ARHGAP6: variants seen among roughly 807,000 people sequenced by gnomAD.
The protein encoded by ARHGAP6 is rho GTPase-activating protein 6.
In ARHGAP6, 16 loss-of-function variants were observed where a neutral mutation model predicts 55.7. That is an observed-to-expected ratio of 0.29 (90% CI 0.19 to 0.44). The LOEUF (loss-of-function observed/expected upper bound fraction) is 0.44, where lower values mean the gene tolerates loss of function less well. Ranked by LOEUF, ARHGAP6 falls within the 20% of genes least tolerant of loss-of-function variation. The pLI is 1.00. For missense variants in ARHGAP6, 698 were observed against 808.9 expected, an observed-to-expected ratio of 0.86 and a Z score of 1.66; for synonymous variants, 382 against 360.9, an observed-to-expected ratio of 1.06 and a Z score of -0.66.
chrX:11,197,351 A>G (rs952793137), intron 2 of ARHGAP6, among the ~76,000 whole-genome samples: 2 of 112,206 alleles, frequency 1.8e-5, no homozygotes, highest in African/African-American at 6.5e-5. Flanking sequence ...CCTAATCTCC[A>G]TGAGAAGAGA....
At chrX:11,516,471 T>C (rs2050841799) in intron 1 of ARHGAP6, among the ~76,000 whole-genome samples, 1 of 112,224 alleles carries the variant, frequency 8.9e-6, no homozygotes, top group African/African-American at 3.2e-5. Flanking sequence ...ATCCTTTTTC[T>C]TCTAAAAATA....
At chrX:11,660,325 G>A (rs1410180321) in intron 1 of ARHGAP6, among the ~76,000 whole-genome samples, 1 of 108,613 alleles carries the variant, frequency 9.2e-6, no homozygotes, top group African/African-American at 3.3e-5. Flanking sequence ...CTTTGGGAGG[G>A]TGAGGCAGGC....
chrX:11,560,612 A>G (rs2051375507), intron 1 of ARHGAP6, among the ~76,000 whole-genome samples: 1 of 112,024 alleles, frequency 8.9e-6, no homozygotes, highest in African/African-American at 3.2e-5. Flanking sequence ...TACTAGTCAG[A>G]CTGGAGCAGG....
chrX:11,544,109 T>C (rs949742425), intron 1 of ARHGAP6, among the ~76,000 whole-genome samples: 4 of 112,302 alleles, frequency 3.6e-5, no homozygotes, highest in Admixed American at 1.9e-4. Flanking sequence ...GCTGGTTCAA[T>C]TGTTTTTAGG....
intron 1 of ARHGAP6, chrX:11,266,032 C>CT (rs2047618499): frequency 3.5e-6 from 1 of 282,090 alleles, no homozygotes; most frequent in Non-Finnish European, 4.6e-6. Context: ...TGCGTGTGTG[C>CT]CTGTGTGTGT....
chrX:11,254,111 G>A (rs779116370), intron 2 of ARHGAP6, among the ~76,000 whole-genome samples: 2 of 111,400 alleles, frequency 1.8e-5, no homozygotes, highest in East Asian at 2.8e-4. Context: ...AGTTAGGTTC[G>A]GTAAAATCCC....
At chrX:11,228,590 G>A (rs537259186) in intron 2 of ARHGAP6, among the ~76,000 whole-genome samples, 103 of 111,969 alleles carry the variant, frequency 9.2e-4, no homozygotes, top group Admixed American at 1.9e-3. Context: ...ATACATCACC[G>A]TGTTCCAAAA....
intron 1 of ARHGAP6, among the ~76,000 whole-genome samples, chrX:11,475,540 G>T (rs1319472): frequency 0.16 from 16,072 of 102,365 alleles, 1,191 homozygotes; most frequent in Middle Eastern, 0.29. Flanking sequence ...AAAAGCATTT[G>T]AGTGTAATAT....
chrX:11,375,347 A>G (rs1451245785), intron 1 of ARHGAP6, among the ~76,000 whole-genome samples: 3 of 112,394 alleles, frequency 2.7e-5, no homozygotes, highest in Non-Finnish European at 5.6e-5. Context: ...CAAAATAAAT[A>G]TAAGTTGAAA....
chrX:11,244,734 G>T (rs919427144), intron 2 of ARHGAP6, among the ~76,000 whole-genome samples: 1 of 112,159 alleles, frequency 8.9e-6, no homozygotes, highest in South Asian at 3.7e-4. Context: ...TCTTTGAAAG[G>T]TGCCAGAATA....
chrX:11,298,767 C>T (rs748166713), intron 1 of ARHGAP6: 47 of 1,211,418 alleles, frequency 3.9e-5, no homozygotes, highest in Non-Finnish European at 5.2e-5. Context: ...CCTCCCTCCG[C>T]CCGCCCAGCA....
rs2047465905 is a variant in ARHGAP6, at chrX:11,254,567, A to T, written c.729T>A (p.Cys243Ter). 8.3e-7 allele frequency: 1 copy of T among 1,207,649 alleles called. No homozygotes were observed. The highest frequency in any genetic ancestry group is 1.1e-6 in the Non-Finnish European group (1 of 894,588). The change falls in exon 2 of 13, where the codon TGT (cysteine) becomes TGA (stop). Residue 243 changes from cysteine to a stop codon, truncating the protein, a stop_gained. Transcript: ENST00000337414. LOFTEE classifies it high-confidence loss of function. ...YQLQQDCDLS[C>*]QITIPKDGQK... ...CCTTACCTTTGGGAATGGTGATCTG[A>T]CAGCTCAGGTCACAGTCCTGTTGCA...
intron 1 of ARHGAP6, among the ~76,000 whole-genome samples, chrX:11,258,824 T>C (rs1434088560): frequency 8.9e-6 from 1 of 111,772 alleles, no homozygotes; most frequent in Admixed American, 9.5e-5. Context: ...ATCTGTATTT[T>C]TTGTTTCCTT....
intron 9 of ARHGAP6, among the ~76,000 whole-genome samples, chrX:11,167,505 A>G (rs2046033000): frequency 1.8e-5 from 2 of 111,902 alleles, no homozygotes; most frequent in South Asian, 7.5e-4. Flanking sequence ...AAGCTGGAAA[A>G]GGTAGAATAC....
At chrX:11,537,439 T>C (rs1439413245) in intron 1 of ARHGAP6, among the ~76,000 whole-genome samples, 1 of 112,209 alleles carries the variant, frequency 8.9e-6, no homozygotes, top group Non-Finnish European at 1.9e-5. Context: ...CAACTCCAAA[T>C]CAGACACTGG....
intron 1 of ARHGAP6, among the ~76,000 whole-genome samples, chrX:11,346,894 A>C (rs1308772762): frequency 1.8e-5 from 2 of 110,669 alleles, no homozygotes; most frequent in Admixed American, 9.7e-5. Context: ...AATTATAAAG[A>C]CCCAAATATT....
intron 1 of ARHGAP6, among the ~76,000 whole-genome samples, chrX:11,527,634 G>GAAAA (rs1377801132): frequency 8.9e-6 from 1 of 111,856 alleles, no homozygotes; most frequent in African/African-American, 3.2e-5. Context: ...GAAAAGAAAA[G>GAAAA]AAAAAAGAAT....
chrX:11,490,116 G>C (rs1268631209), intron 1 of ARHGAP6, among the ~76,000 whole-genome samples: 3 of 111,398 alleles, frequency 2.7e-5, no homozygotes, highest in African/African-American at 6.5e-5. Flanking sequence ...CCTTCCCCTT[G>C]AGTGTGGGCA....
intron 1 of ARHGAP6, among the ~76,000 whole-genome samples, chrX:11,255,100 C>T (rs766929946): frequency 7.8e-4 from 87 of 111,648 alleles, no homozygotes; most frequent in Non-Finnish European, 1.3e-3. Context: ...GTATGGAGAG[C>T]CTACCATGTG....
Sources: gnomAD v4.1 joint callset for allele counts (sites outside exome capture counted in the v4.1 genomes callset) on GRCh38, gnomAD v4.1.1 for gene constraint, MANE v1.5 for transcripts, NCBI Gene and HGNC (gene_info 2026-07-23, HGNC 2026-07-21) for gene names.